The following MRPL42 variants were observed in gnomAD, a reference collection of about 807,000 sequenced individuals.
MRPL42 encodes mitochondrial ribosomal protein L42.
MRPL42 carries 17 observed loss-of-function variants against 17.9 expected under a neutral mutation model. The observed-to-expected ratio is 0.95, with a 90% CI of 0.65 to 1.42. The LOEUF (loss-of-function observed/expected upper bound fraction) is 1.42, where lower values mean the gene tolerates loss of function less well. Ranked by LOEUF, MRPL42 falls within the 40% of genes most tolerant of loss-of-function variation. The pLI, the probability that MRPL42 is intolerant of heterozygous loss-of-function variation, is 0.00. For missense variants in MRPL42, 177 were observed against 175.2 expected, an observed-to-expected ratio of 1.01 and a Z score of -0.06; for synonymous variants, 59 against 54.4, an observed-to-expected ratio of 1.08 and a Z score of -0.37.
chr12:93,483,615 A>T (rs1390300850), intron 4 of MRPL42, among the ~76,000 whole-genome samples: 1 of 152,222 alleles, frequency 6.6e-6, no homozygotes, highest in African/African-American at 2.4e-5. Context: ...AGCTTATAGG[A>T]CTGGAAGTTG....
At chr12:93,481,219 A>G (rs1880444108) in intron 4 of MRPL42, among the ~76,000 whole-genome samples, 1 of 152,114 alleles carries the variant, frequency 6.6e-6, no homozygotes, top group Admixed American at 6.6e-5. Context: ...CCTTGGCAAA[A>G]TCTCTTACAA....
chr12:93,481,691 G>A (rs536278152), intron 4 of MRPL42, among the ~76,000 whole-genome samples: 76 of 152,164 alleles, frequency 5.0e-4, no homozygotes, highest in African/African-American at 1.8e-3. Flanking sequence ...TCCATGGGAG[G>A]ATTCCCTATG....
chr12:93,503,573 G>T lies in MRPL42; in HGVS notation c.*2352G>T, dbSNP rs1242918226. ...TTGTTTTAATTTTTTTTATAGAGAC[G>T]GGGTTTCGCCATGTTGCCCAGGCTG... On this transcript the variant is annotated 3_prime_UTR_variant, in exon 6 of 6. Transcript: ENST00000549982. The T allele has an allele frequency of 6.6e-6, 1 of 151,610 alleles. No homozygotes were observed. The highest frequency in any genetic ancestry group is 2.1e-4 in the South Asian group (1 of 4,810). 9.4% of individuals were successfully genotyped at this position (151,610 alleles called of 1,614,324 possible). A position where few individuals can be genotyped will look rare whatever the true frequency, so the allele number is the denominator to read the frequency against.
At chr12:93,468,661 A>G (rs937341184) in intron 1 of MRPL42, among the ~76,000 whole-genome samples, 1 of 152,182 alleles carries the variant, frequency 6.6e-6, no homozygotes, top group African/African-American at 2.4e-5. Flanking sequence ...CTGGGACTTG[A>G]GGGCATTTAT....
chr12:93,500,453 T>G (rs1314935557), intron 5 of MRPL42, among the ~76,000 whole-genome samples: 2 of 152,172 alleles, frequency 1.3e-5, no homozygotes, highest in East Asian at 3.8e-4. Flanking sequence ...AAACAAAAGG[T>G]TCCTCACTGT....
chr12:93,504,902 T>C lies in MRPL42; in HGVS notation c.*3681T>C, dbSNP rs1351048647. 6.6e-6 allele frequency: 1 copy of C among 152,210 alleles called. No individual in the cohort carries two copies. Among genetic ancestry groups the C allele is most frequent in the Non-Finnish European group, 1.5e-5 (1 of 68,040 alleles). 9.4% of individuals were successfully genotyped at this position (152,210 alleles called of 1,614,324 possible). On this transcript the variant is annotated 3_prime_UTR_variant, in exon 6 of 6. Coordinates refer to ENST00000549982, the MANE Select transcript of MRPL42 (RefSeq NM_014050.4). ...TACCCTGTCTGACTACGTGTATCAC[T>C]GTTTCTACCGCCTAACATTGCCTAG... is the stretch of plus-strand genomic sequence containing the variant.
At position 93,504,481 on chromosome 12, in the gene MRPL42, T is replaced by G. The variant is rs1953645104; in HGVS notation, c.*3260T>G. The G allele has an allele frequency of 6.6e-6, 1 of 152,420 alleles. No homozygotes were observed. Among genetic ancestry groups the G allele is most frequent in the South Asian group, 2.1e-4 (1 of 4,842 alleles). The allele number at this position is 152,420 out of a possible 1,614,324, so 9.4% of individuals were successfully genotyped here. On this transcript the variant is annotated 3_prime_UTR_variant, in exon 6 of 6. Transcript: ENST00000549982. Reference sequence around the variant, plus strand: ...TCCTAACATCAGTATATAGAAATATTTTCTCTTTAGTTCTATTAAAATTTT... The same window carrying G: ...TCCTAACATCAGTATATAGAAATATGTTCTCTTTAGTTCTATTAAAATTTT...
At chr12:93,488,410 A>G (rs781058596) in intron 5 of MRPL42, 50 of 397,800 alleles carry the variant, frequency 1.3e-4, no homozygotes, top group Non-Finnish European at 1.9e-4. Context: ...AAATTTACAT[A>G]TAATTTAGCT....
intron 1 of MRPL42, among the ~76,000 whole-genome samples, chr12:93,468,322 G>A (rs1359217912): frequency 6.6e-6 from 1 of 152,212 alleles, no homozygotes; most frequent in East Asian, 1.9e-4. Context: ...GGAAGGGCAC[G>A]GATACTCATT....
At chr12:93,479,304 A>C in intron 3 of MRPL42, 84 bp from the exon 4 acceptor site, 1 of 782,330 alleles carries the variant, frequency 1.3e-6, no homozygotes. Flanking sequence ...ACATAGTGAG[A>C]GTCCATCTCA....
intron 2 of MRPL42, among the ~76,000 whole-genome samples, chr12:93,476,325 C>T (rs1031687307): frequency 3.3e-5 from 5 of 152,008 alleles, no homozygotes; most frequent in Non-Finnish European, 7.4e-5. Flanking sequence ...TAGCTGACCA[C>T]GCCTGGCTAA....
In MRPL42 at chr12:93,472,762, A is replaced by G. The variant is rs186334583; in HGVS notation, c.70+3407A>G. On this transcript the variant is annotated intron_variant, in intron 2 of 5. Transcript: ENST00000549982. ...ATATTTTAAAATTTCCCAAATGGTC[A>G]GTCAGCCCGGGAGTGTAGAACACTT... is the stretch of plus-strand genomic sequence containing the variant. Among the ~76,000 whole-genome samples, 12 of 152,330 alleles carry G rather than the reference A, an allele frequency of 7.9e-5. No individual in the cohort carries two copies. In the East Asian group the frequency reaches 2.3e-3, roughly 29 times the overall value.
rs534686387 is a variant in MRPL42 at position 93,501,394 on chromosome 12, A to G, written c.*173A>G. On this transcript the variant is annotated 3_prime_UTR_variant, in exon 6 of 6. Transcript: ENST00000549982. Reference sequence around the variant, plus strand: ...TTCTGGATTTGACATTCTCATTTAGAGAAACCTATTTTCTTTTTTCTTTTT... The same window carrying G: ...TTCTGGATTTGACATTCTCATTTAGGGAAACCTATTTTCTTTTTTCTTTTT... 1.6e-5 allele frequency: 7 copies of G among 431,302 alleles called. No individual in the cohort carries two copies. The highest frequency in any genetic ancestry group is 2.8e-5 in the Non-Finnish European group (7 of 252,152). 26.7% of individuals were successfully genotyped at this position (431,302 alleles called of 1,614,324 possible).
At chr12:93,469,396 TTTAAGAA>T in intron 2 of MRPL42, 41 bp downstream of exon 2, 1 of 1,433,474 alleles carries the variant, frequency 7.0e-7, no homozygotes. Context: ...CTTTTAAACT[TTTAAGAA>T]TTAAGAAAAT....
rs771409155 is a variant in MRPL42 at position 93,487,522 on chromosome 12, A to C, written c.245A>C (p.His82Pro). Residue 82 changes from histidine (H) to proline (P), a missense_variant, in exon 5 of 6, where the codon CAT becomes CCT. By Grantham distance (77) the His-to-Pro change is moderately conservative. Transcript: ENST00000549982. ...CCTATCCCTCGGCCAGATCCTGTGC[A>C]TAATAATGAAGAAACACATGATCAA... ...TKPIPRPDPV[H>P]NNEETHDQVL... The C allele has an allele frequency of 6.2e-7, 1 of 1,613,816 alleles. No homozygotes were observed.
intron 5 of MRPL42, among the ~76,000 whole-genome samples, chr12:93,490,705 C>A (rs1953395950): frequency 6.6e-6 from 1 of 152,068 alleles, no homozygotes; most frequent in African/African-American, 2.4e-5. Flanking sequence ...CTTGTTTTCC[C>A]TAGTCAGACC....
At chr12:93,491,017 A>G (rs1327395061) in intron 5 of MRPL42, among the ~76,000 whole-genome samples, 4 of 152,054 alleles carry the variant, frequency 2.6e-5, no homozygotes, top group Admixed American at 6.6e-5. Flanking sequence ...CAGCCTCCCA[A>G]GTAACTGGGA....
At chr12:93,468,764 TATTTC>T in intron 1 of MRPL42, among the ~76,000 whole-genome samples, 1 of 152,310 alleles carries the variant, frequency 6.6e-6, no homozygotes, top group South Asian at 2.1e-4. Context: ...GGCAGACAAC[TATTTC>T]ATTTAATCAG....
At chr12:93,475,050 C>T (rs1261284226) in intron 2 of MRPL42, among the ~76,000 whole-genome samples, 1 of 151,894 alleles carries the variant, frequency 6.6e-6, no homozygotes, top group Non-Finnish European at 1.5e-5. Context: ...CTGAGATAGA[C>T]AACTCTTTCT....
Sources: allele counts gnomAD v4.1 joint callset (sites outside exome capture counted in the v4.1 genomes callset), GRCh38; gene constraint gnomAD v4.1.1; transcripts MANE v1.5; gene names NCBI Gene and HGNC (gene_info 2026-07-23, HGNC 2026-07-21).